Variants in IRAG1 observed in about 807,000 individuals in gnomAD.
IRAG1 encodes inositol 1,4,5-triphosphate receptor associated 1, also known as IP3R-associated cGMP kinase substrate.
In IRAG1, 62 loss-of-function variants were observed where a neutral mutation model predicts 106.2. The ratio of observed to expected loss-of-function variants is 0.58; its 90% confidence interval spans 0.48 to 0.72. The LOEUF is 0.72. IRAG1 is among the 30% of genes least tolerant of loss of function. The pLI, the probability that IRAG1 is intolerant of heterozygous loss-of-function variation, is 0.00. For missense variants in IRAG1, 1,064 were observed against 1,140.7 expected (o/e 0.93, Z 0.97); for synonymous variants, 462 against 443.9 (o/e 1.04, Z -0.51).
At chr11:10,609,925 G>A (rs1021363225) in intron 10 of IRAG1, 74 bp from the exon 11 acceptor site, 8 of 1,462,124 alleles carry the variant, frequency 5.5e-6, no homozygotes, top group South Asian at 1.3e-5. Context: ...AGCTTCAGGA[G>A]CTTTGACATT....
intron 1 of IRAG1, among the ~76,000 whole-genome samples, chr11:10,669,633 C>G (rs1206764413): frequency 6.6e-6 from 1 of 152,348 alleles, no homozygotes; most frequent in East Asian, 1.9e-4. Flanking sequence ...AGCTCTCCCC[C>G]GAGGCCAGAT....
chr11:10,646,355 C>T (rs1857943178), intron 2 of IRAG1, among the ~76,000 whole-genome samples: 1 of 152,146 alleles, frequency 6.6e-6, no homozygotes, highest in East Asian at 1.9e-4. Flanking sequence ...TACTATCCTC[C>T]CTTCCTTCCT....
At chr11:10,638,527 C>A (rs147971557) in intron 2 of IRAG1, among the ~76,000 whole-genome samples, 1 of 152,212 alleles carries the variant, frequency 6.6e-6, no homozygotes, top group Non-Finnish European at 1.5e-5. Flanking sequence ...TTATAGCATG[C>A]GCGGGCTTCT....
At chr11:10,633,240 A>G (rs1460925299) in intron 3 of IRAG1, among the ~76,000 whole-genome samples, 2 of 151,852 alleles carry the variant, frequency 1.3e-5, no homozygotes, top group Non-Finnish European at 2.9e-5. Flanking sequence ...ACACCCGGCT[A>G]ATTTTTCTGT....
rs1850701512 is a variant in IRAG1, at chr11:10,573,917, C to T, written c.*2415G>A. On this transcript the variant is annotated 3_prime_UTR_variant, in exon 21 of 21. Transcript: ENST00000423302. The stretch of plus-strand genomic sequence containing the variant: ...GTAGCTAAAGCTCCTTCAGTTGTAT[C>T]CAGACCCCCTGGAAGAGGCCGGGCA... The T allele has an allele frequency of 6.6e-6, 1 of 152,386 alleles. No individual in the cohort carries two copies. Among genetic ancestry groups the T allele is most frequent in the South Asian group, 2.1e-4 (1 of 4,822 alleles). The allele number at this position is 152,386 out of a possible 1,614,324, so 9.4% of individuals were successfully genotyped here. A position where few individuals can be genotyped will look rare whatever the true frequency, so the allele number is the denominator to read the frequency against.
intron 10 of IRAG1, among the ~76,000 whole-genome samples, chr11:10,612,461 T>C (rs763510850): frequency 6.6e-6 from 1 of 151,964 alleles, no homozygotes. Flanking sequence ...AAACACAAAA[T>C]ATACAATCCT....
intron 15 of IRAG1, 104 bp downstream of exon 15, chr11:10,600,814 C>T: frequency 6.8e-7 from 1 of 1,463,132 alleles, no homozygotes; most frequent in Non-Finnish European, 9.2e-7. Flanking sequence ...TGCTGCTCAA[C>T]TGGAAATAAG....
At chr11:10,680,995 G>A (rs1470148259) in intron 1 of IRAG1, among the ~76,000 whole-genome samples, 4 of 152,104 alleles carry the variant, frequency 2.6e-5, no homozygotes, top group Non-Finnish European at 5.9e-5. Context: ...TCCAGTGGGA[G>A]GAGAAAGTGC....
Position 10,600,971 on chromosome 11 carries a change from A to T in IRAG1, c.1964T>A (p.Met655Lys), listed in dbSNP as rs1202531734. The T allele has an allele frequency of 5.6e-6, 9 of 1,613,938 alleles. No homozygotes were observed. Among genetic ancestry groups the T allele is most frequent in the Non-Finnish European group, 6.8e-6 (8 of 1,179,902 alleles). Reference protein sequence around the residue: ...RTYEKDHAELMEFKKLANQNS... With the variant: ...RTYEKDHAELKEFKKLANQNS... Reference sequence around the variant, plus strand: ...CTGATTTGCAAGCTTTTTAAACTCCATGAGCTCCGCATGGTCCTTCTCATA... The same window carrying T: ...CTGATTTGCAAGCTTTTTAAACTCCTTGAGCTCCGCATGGTCCTTCTCATA... The change falls in exon 15 of 21, where the codon ATG becomes AAG. Residue 655 changes from methionine to lysine, a missense_variant. Met to Lys is a moderately conservative substitution (Grantham distance 95). Transcript: ENST00000423302.
At chr11:10,669,496 C>T (rs79867401) in intron 1 of IRAG1, among the ~76,000 whole-genome samples, 1 of 152,218 alleles carries the variant, frequency 6.6e-6, no homozygotes, top group East Asian at 1.9e-4. Flanking sequence ...CCAGCAAATA[C>T]AGCGACTCAT....
chr11:10,656,381 G>C (rs759991850), intron 1 of IRAG1, among the ~76,000 whole-genome samples: 4 of 152,194 alleles, frequency 2.6e-5, no homozygotes, highest in Non-Finnish European at 2.9e-5. Flanking sequence ...GGAAACTGAG[G>C]TGCAGAAACG....
chr11:10,615,676 G>A (rs1309536980), intron 10 of IRAG1, among the ~76,000 whole-genome samples: 2 of 151,824 alleles, frequency 1.3e-5, no homozygotes, highest in African/African-American at 2.4e-5. Flanking sequence ...GCAAACTATC[G>A]CAGGGACAAA....
chr11:10,621,497 C>A lies in IRAG1; in HGVS notation c.1447+2281G>T, dbSNP rs531939908. The stretch of plus-strand genomic sequence containing the variant: ...CAGAAGATGAAGGATCCAAGCCCTT[C>A]TATCCCCTTCAACCAGAGCAGCCCC... On this transcript the variant is annotated intron_variant, in intron 10 of 20. Coordinates refer to ENST00000423302, the MANE Select transcript of IRAG1 (RefSeq NM_130385.4). Among the ~76,000 whole-genome samples, 9 of 152,330 alleles carry A rather than the reference C, an allele frequency of 5.9e-5. No individual in the cohort carries two copies. The East Asian group carries it at 1.7e-3, about 29-fold the overall frequency.
intron 1 of IRAG1, among the ~76,000 whole-genome samples, chr11:10,683,319 C>G (rs969226581): frequency 2.5e-4 from 38 of 150,610 alleles, no homozygotes; most frequent in African/African-American, 8.6e-4. Flanking sequence ...TTTAACCAAA[C>G]CTACTATCAT....
At chr11:10,651,902 C>T in intron 2 of IRAG1, 123 bp downstream of exon 2, 1 of 1,160,152 alleles carries the variant, frequency 8.6e-7, no homozygotes, top group East Asian at 2.6e-5. Context: ...TCTCCAGGTA[C>T]CCACTGCAAC....
intron 9 of IRAG1, among the ~76,000 whole-genome samples, chr11:10,624,363 C>T (rs1325165171): frequency 6.6e-6 from 1 of 152,040 alleles, no homozygotes; most frequent in African/African-American, 2.4e-5. Context: ...TCATCAATGG[C>T]CTTTTATGGC....
intron 1 of IRAG1, among the ~76,000 whole-genome samples, chr11:10,685,819 G>A (rs1483114234): frequency 3.9e-5 from 6 of 151,926 alleles, no homozygotes; most frequent in African/African-American, 1.5e-4. Context: ...ATCAATTCCA[G>A]GTCACTAACC....
chr11:10,661,166 A>G (rs1859369036), intron 1 of IRAG1, among the ~76,000 whole-genome samples: 2 of 152,084 alleles, frequency 1.3e-5, no homozygotes, highest in African/African-American at 2.4e-5. Flanking sequence ...TGTACACCTT[A>G]TGCCCCAACC....
At chr11:10,615,080 A>G (rs1461450651) in intron 10 of IRAG1, among the ~76,000 whole-genome samples, 1 of 152,210 alleles carries the variant, frequency 6.6e-6, no homozygotes, top group Non-Finnish European at 1.5e-5. Flanking sequence ...AACTCAAACA[A>G]ATTTACAGGA....
Sources: gnomAD v4.1 joint callset for allele counts (sites outside exome capture counted in the v4.1 genomes callset) on GRCh38, gnomAD v4.1.1 for gene constraint, MANE v1.5 for transcripts, NCBI Gene and HGNC (gene_info 2026-07-23, HGNC 2026-07-21) for gene names.